DRAXIN: variants seen among roughly 807,000 people sequenced by gnomAD.
DRAXIN encodes the protein dorsal inhibitory axon guidance protein, also known as dorsal repulsive axon guidance protein.
A neutral mutation model predicts 33.9 loss-of-function variants in DRAXIN; 27 were observed. The ratio of observed to expected loss-of-function variants is 0.80; its 90% confidence interval spans 0.59 to 1.10. DRAXIN has a LOEUF of 1.10. Ranked by LOEUF, DRAXIN falls within the 50% of genes least tolerant of loss-of-function variation. The pLI is 0.00. For missense variants in DRAXIN, 371 were observed against 460.8 expected, an observed-to-expected ratio of 0.81 and a Z score of 1.78; for synonymous variants, 178 against 194.0, an observed-to-expected ratio of 0.92 and a Z score of 0.69.
At chr1:11,712,240 C>T (rs1034881430) in intron 4 of DRAXIN, 100 bp from the exon 5 acceptor site, 44 of 1,354,798 alleles carry the variant, frequency 3.2e-5, no homozygotes, top group Non-Finnish European at 4.5e-5. Context: ...CCAAGCCATG[C>T]TGTAGAGTGG....
At position 11,694,301 on chromosome 1, in the gene DRAXIN, C is replaced by T. The variant is rs185167893; in HGVS notation, c.-11+2448C>T. Among the ~76,000 whole-genome samples, 38 of 152,254 alleles carry T rather than the reference C, an allele frequency of 2.5e-4. No homozygotes were observed. The East Asian group carries it at 7.1e-3, about 29-fold the overall frequency. ...AACTGAAAACTGCAAGCCCCAGTGTCTTGCTGAGTTCTGCTGGGTCCTGCT... is the reference window on the plus strand; with the variant it reads ...AACTGAAAACTGCAAGCCCCAGTGTTTTGCTGAGTTCTGCTGGGTCCTGCT... On this transcript the variant is annotated intron_variant, in intron 1 of 6. Transcript: ENST00000294485. This position sits in a 1 kb window ranked among gnomAD's most constrained non-coding sequence, Gnocchi z 4.9.
At position 11,706,989 on chromosome 1, in the gene DRAXIN, G is replaced by A. The variant is rs1381985382; in HGVS notation, c.451+280G>A. Among the ~76,000 whole-genome samples the A allele has an allele frequency of 2.6e-5, 4 of 152,084 alleles. No homozygotes were observed. The highest frequency in any genetic ancestry group is 6.6e-5 in the Admixed American group (1 of 15,262). On this transcript the variant is annotated intron_variant, in intron 2 of 6. Coordinates refer to ENST00000294485, the MANE Select transcript of DRAXIN (RefSeq NM_198545.4). The surrounding 1 kb of genome is among the most constrained non-coding windows in gnomAD (Gnocchi z 5.5). ...AGCACTTTGGGAGGCCGAGGCGGGCGGATCATGAGATCAGGAGATCGAGAC... is the reference window on the plus strand; with the variant it reads ...AGCACTTTGGGAGGCCGAGGCGGGCAGATCATGAGATCAGGAGATCGAGAC...
chr1:11,702,448 C>T (rs989745025), intron 1 of DRAXIN, among the ~76,000 whole-genome samples: 7 of 151,650 alleles, frequency 4.6e-5, no homozygotes, highest in African/African-American at 7.3e-5. Flanking sequence ...CTCCTACACA[C>T]TCACAACACA....
In DRAXIN at chr1:11,706,139, G is replaced by A. The variant is rs1641375075; in HGVS notation, c.-10-110G>A. ...CGGGCATTGCCAAATGTCACTGGGA[G>A]CAAAATGTCCCTCTATGGCTGTTGA... On this transcript the variant is annotated intron_variant, in intron 1 of 6. Transcript: ENST00000294485. This position sits in a 1 kb window ranked among gnomAD's most constrained non-coding sequence, Gnocchi z 5.5. The A allele has an allele frequency of 9.3e-7, 1 of 1,077,640 alleles. No individual in the cohort carries two copies. The allele number at this position is 1,077,640 out of a possible 1,614,324, so 66.8% of individuals were successfully genotyped here.
Position 11,722,488 on chromosome 1 carries a change from C to T in DRAXIN, c.*2792C>T, listed in dbSNP as rs1488201115. ...AAAGAGGGATGGGTGGATGGAACCT[C>T]TTAACTCCAGAGCTGGGAATCCCAA... On this transcript the variant is annotated 3_prime_UTR_variant, in exon 7 of 7. Coordinates refer to ENST00000294485, the MANE Select transcript of DRAXIN (RefSeq NM_198545.4). 1 of 152,228 alleles carries T rather than the reference C, an allele frequency of 6.6e-6. No individual in the cohort carries two copies. Among genetic ancestry groups the T allele is most frequent in the Admixed American group, 6.5e-5 (1 of 15,286 alleles). 9.4% of individuals were successfully genotyped at this position (152,228 alleles called of 1,614,324 possible). A position where few individuals can be genotyped will look rare whatever the true frequency, so the allele number is the denominator to read the frequency against.
chr1:11,689,613 G>T (rs1031001609), upstream of DRAXIN, among the ~76,000 whole-genome samples: 1 of 152,124 alleles, frequency 6.6e-6, no homozygotes, highest in Admixed American at 6.5e-5. Flanking sequence ...AACAAAAGGC[G>T]GGGGGAGGGG....
At chr1:11,719,541 G>C in intron 6 of DRAXIN, 43 bp from the exon 7 acceptor site, 1 of 1,533,440 alleles carries the variant, frequency 6.5e-7, no homozygotes, top group Non-Finnish European at 8.9e-7. Context: ...GGGAGGGCAC[G>C]GGCCCTTCGC....
chr1:11,709,677 A>G (rs1286047344), intron 3 of DRAXIN, among the ~76,000 whole-genome samples: 5 of 152,210 alleles, frequency 3.3e-5, no homozygotes, highest in African/African-American at 1.2e-4. Context: ...GTCCAGGGCA[A>G]AGTGCTCCTG....
rs911606042 is a variant in DRAXIN at position 11,725,385 on chromosome 1, G to C, written c.*5689G>C. 1.3e-5 allele frequency: 2 copies of C among 152,234 alleles called. No individual in the cohort carries two copies. Among genetic ancestry groups the C allele is most frequent in the African/African-American group, 4.8e-5 (2 of 41,452 alleles). The allele number at this position is 152,234 out of a possible 1,614,324, so 9.4% of individuals were successfully genotyped here. ...CCACCACCCCACGCCTACTGAGCCA[G>C]AATCTCTGGGGGTGGGGCCCAGCCA... On this transcript the variant is annotated 3_prime_UTR_variant, in exon 7 of 7. Coordinates refer to ENST00000294485, the MANE Select transcript of DRAXIN (RefSeq NM_198545.4).
chr1:11,690,742 C>A (rs1249128164), upstream of DRAXIN, among the ~76,000 whole-genome samples: 2 of 152,148 alleles, frequency 1.3e-5, no homozygotes, highest in Admixed American at 6.5e-5. The surrounding 1 kb of genome is among the most constrained non-coding windows in gnomAD (Gnocchi z 4.2). Flanking sequence ...CCACCGACCC[C>A]GTCGTGAGTT....
intron 5 of DRAXIN, 52 bp from the exon 6 acceptor site, chr1:11,715,067 C>A: frequency 1.3e-6 from 2 of 1,595,228 alleles, no homozygotes; most frequent in Non-Finnish European, 1.7e-6. Context: ...TGCAGGGCTG[C>A]GGGGAGGGGC....
chr1:11,693,829 A>T (rs1337547316), intron 1 of DRAXIN, among the ~76,000 whole-genome samples: 3 of 151,978 alleles, frequency 2.0e-5, no homozygotes, highest in Non-Finnish European at 4.4e-5. Context: ...TCGCCCTCCC[A>T]GTCCATAGTC....
At chr1:11,715,080 C>G (rs1570319556) in intron 5 of DRAXIN, 39 bp from the exon 6 acceptor site, 1 of 1,610,984 alleles carries the variant, frequency 6.2e-7, no homozygotes, top group Non-Finnish European at 8.5e-7. Context: ...GGAGGGGCGG[C>G]TCAGCTTGGC....
rs922361929 is a variant in DRAXIN, at chr1:11,722,319, T to C, written c.*2623T>C. 2 of 152,066 alleles carry C rather than the reference T, an allele frequency of 1.3e-5. No individual in the cohort carries two copies. The highest frequency in any genetic ancestry group is 2.4e-5 in the African/African-American group (1 of 41,356). 9.4% of individuals were successfully genotyped at this position (152,066 alleles called of 1,614,324 possible). On this transcript the variant is annotated 3_prime_UTR_variant, in exon 7 of 7. Transcript: ENST00000294485. The stretch of plus-strand genomic sequence containing the variant: ...TGGCTGGGGGACAGCTGTTAGATGG[T>C]CCTAGGACATCAGCCATGGAGAACA...
chr1:11,712,728 A>T (rs949359624), intron 5 of DRAXIN, among the ~76,000 whole-genome samples: 1 of 151,332 alleles, frequency 6.6e-6, no homozygotes, highest in African/African-American at 2.4e-5. Flanking sequence ...GCGAAACCCC[A>T]TCGCTACTAA....
rs574875710 is a variant in DRAXIN, at chr1:11,696,326, G to A, written c.-11+4473G>A. Among the ~76,000 whole-genome samples the A allele has an allele frequency of 4.9e-4, 74 of 152,250 alleles. 1 individual carries two copies. Among genetic ancestry groups the A allele is most frequent in the South Asian group, 2.1e-3 (10 of 4,818 alleles). ...TCCCCAGCCGGGTGCGGTGGCTCAC[G>A]CCTGTAATCCCAGCACTTTGGGAGA... On this transcript the variant is annotated intron_variant, in intron 1 of 6. Coordinates refer to ENST00000294485, the MANE Select transcript of DRAXIN (RefSeq NM_198545.4). The surrounding 1 kb of genome is among the most constrained non-coding windows in gnomAD (Gnocchi z 4.7).
At chr1:11,714,928 G>A (rs929202835) in intron 5 of DRAXIN, among the ~76,000 whole-genome samples, 191 bp from the exon 6 acceptor site, 1 of 152,238 alleles carries the variant, frequency 6.6e-6, no homozygotes, top group Non-Finnish European at 1.5e-5. Context: ...CTCTGCCACC[G>A]ACCCTTGGGG....
At chr1:11,689,236 A>T (rs1468858097), upstream of DRAXIN, among the ~76,000 whole-genome samples, 2 of 142,426 alleles carry the variant, frequency 1.4e-5, no homozygotes, top group Non-Finnish European at 3.0e-5. Flanking sequence ...CAGAAGTTGC[A>T]GTGAGCCGAG....
rs1211289220 is a variant in DRAXIN at position 11,694,435 on chromosome 1, G to A, written c.-11+2582G>A. On this transcript the variant is annotated intron_variant, in intron 1 of 6. Transcript: ENST00000294485. This position sits in a 1 kb window ranked among gnomAD's most constrained non-coding sequence, Gnocchi z 4.9. ...CCCTGTATCACTCTGGAAAATGAGG[G>A]TGGTCTCTGTGCCTGTTATAGGGGT... Among the ~76,000 whole-genome samples the A allele has an allele frequency of 6.6e-6, 1 of 152,040 alleles. No individual in the cohort carries two copies. The highest frequency in any genetic ancestry group is 1.5e-5 in the Non-Finnish European group (1 of 68,008).
Sources: allele counts gnomAD v4.1 joint callset (sites outside exome capture counted in the v4.1 genomes callset), GRCh38; gene constraint gnomAD v4.1.1; non-coding constraint Gnocchi (gnomAD v3.1); transcripts MANE v1.5; gene names NCBI Gene and HGNC (gene_info 2026-07-23, HGNC 2026-07-21).